Variants in AGMO observed in about 807,000 individuals in gnomAD.
The protein encoded by AGMO is glyceryl-ether monooxygenase.
AGMO carries 75 observed loss-of-function variants against 60.2 expected under a neutral mutation model. That is an observed-to-expected ratio of 1.25 (90% CI 1.03 to 1.51). The LOEUF (loss-of-function observed/expected upper bound fraction) is 1.51. Ranked by LOEUF, AGMO falls within the 40% of genes most tolerant of loss-of-function variation. AGMO has a pLI of 0.00. For synonymous variants in AGMO, 261 were observed against 177.1 expected (o/e 1.47, Z -3.76); for missense variants, 763 against 525.5 (o/e 1.45, Z -4.42).
the AGMO span, among the ~76,000 whole-genome samples, chr7:15,131,833 G>A: frequency 1.3e-5 from 2 of 151,428 alleles, no homozygotes; most frequent in South Asian, 2.1e-4. Flanking sequence ...AAGCCAAAAG[G>A]AGACAGCTGG....
rs1783792115 is a variant in AGMO, at chr7:15,383,739, GATTT to G, written c.1074+1703_1074+1706del. ...ATAATACACATTGTTGTTTGAAAAT[GATTT>G]ATTATTCTCTGTATTCACTGAATGT... On this transcript the variant is annotated intron_variant, in intron 10 of 12. Coordinates refer to ENST00000342526, the MANE Select transcript of AGMO (RefSeq NM_001004320.2). Among the ~76,000 whole-genome samples the G allele has an allele frequency of 3.3e-5, 5 of 152,074 alleles. No homozygotes were observed. In the South Asian group the frequency reaches 8.3e-4, roughly 25 times the overall value.
chr7:15,128,404 TTTTAA>T, the AGMO span, among the ~76,000 whole-genome samples: 3 of 152,134 alleles, frequency 2.0e-5, no homozygotes, highest in African/African-American at 7.2e-5. Context: ...CTAAAACAAA[TTTTAA>T]TTTATTTTTT....
the AGMO span, among the ~76,000 whole-genome samples, chr7:15,131,806 A>C: frequency 6.6e-6 from 1 of 151,230 alleles, no homozygotes; most frequent in South Asian, 2.1e-4. Context: ...GGTAGGAGTA[A>C]TTCCTGGCAC....
chr7:15,254,785 G>A (rs1783047202), intron 12 of AGMO, among the ~76,000 whole-genome samples: 1 of 150,930 alleles, frequency 6.6e-6, no homozygotes, highest in Non-Finnish European at 1.5e-5. Context: ...GATGAAAAAG[G>A]GGACATTACA....
At chr7:15,186,398 T>C in the AGMO span, among the ~76,000 whole-genome samples, 33,489 of 152,142 alleles carry the variant, frequency 0.22, 3,921 homozygotes, top group South Asian at 0.32. Flanking sequence ...CTCCTGATGT[T>C]TTACAGTGAA....
intron 12 of AGMO, among the ~76,000 whole-genome samples, chr7:15,348,605 T>A (rs35725682): frequency 0.17 from 25,824 of 152,080 alleles, 2,256 homozygotes; most frequent in African/African-American, 0.19. Context: ...TTTCCATTTC[T>A]GCTTTGTAAC....
intron 12 of AGMO, among the ~76,000 whole-genome samples, chr7:15,355,029 G>T (rs966065229): frequency 1.3e-5 from 2 of 152,030 alleles, no homozygotes. Flanking sequence ...CTATTGAAGA[G>T]AAGATTCCTG....
chr7:15,367,587 A>G (rs1013262280), intron 10 of AGMO, among the ~76,000 whole-genome samples: 5 of 152,144 alleles, frequency 3.3e-5, no homozygotes, highest in African/African-American at 7.2e-5. Context: ...TGACAGTAGA[A>G]TACATATGAG....
chr7:15,554,766 A>T (rs1277071542), intron 2 of AGMO, among the ~76,000 whole-genome samples: 1 of 152,096 alleles, frequency 6.6e-6, no homozygotes, highest in African/African-American at 2.4e-5. Context: ...AAAATAATCA[A>T]TAAATCAGAA....
the AGMO span, among the ~76,000 whole-genome samples, chr7:15,124,676 A>G: frequency 7.2e-5 from 11 of 152,216 alleles, no homozygotes; most frequent in East Asian, 2.1e-3. Flanking sequence ...TCTTTTCTTT[A>G]TAACTAAAGA....
At chr7:15,219,335 AGTT>A (rs1050019283) in intron 12 of AGMO, among the ~76,000 whole-genome samples, 1 of 152,166 alleles carries the variant, frequency 6.6e-6, no homozygotes, top group Non-Finnish European at 1.5e-5. Context: ...GGAGCACAGT[AGTT>A]GTTCAATTAA....
chr7:15,173,239 CT>C, the AGMO span, among the ~76,000 whole-genome samples: 2 of 151,990 alleles, frequency 1.3e-5, no homozygotes, highest in African/African-American at 4.8e-5. Context: ...AATTTATTCA[CT>C]TGTATCACTG....
intron 3 of AGMO, among the ~76,000 whole-genome samples, chr7:15,453,480 T>C (rs1169660788): frequency 6.6e-6 from 1 of 152,140 alleles, no homozygotes; most frequent in Non-Finnish European, 1.5e-5. Flanking sequence ...CTGCAAAAAG[T>C]GCTGCCTTAA....
chr7:15,331,129 A>C (rs1300430021), intron 12 of AGMO, among the ~76,000 whole-genome samples: 1 of 152,172 alleles, frequency 6.6e-6, no homozygotes, highest in Non-Finnish European at 1.5e-5. Flanking sequence ...ATTAATAGCC[A>C]GTATCTTTGT....
At chr7:15,156,250 G>C in the AGMO span, among the ~76,000 whole-genome samples, 1 of 152,322 alleles carries the variant, frequency 6.6e-6, no homozygotes, top group African/African-American at 2.4e-5. Flanking sequence ...AAATATTGTA[G>C]TGCTTAGGCG....
intron 12 of AGMO, among the ~76,000 whole-genome samples, chr7:15,275,831 T>C (rs1210195551): frequency 6.6e-6 from 1 of 152,182 alleles, no homozygotes; most frequent in Non-Finnish European, 1.5e-5. Context: ...TTAAAGTATG[T>C]TTTATCTGAT....
At chr7:15,206,641 C>T (rs1052349819) in intron 12 of AGMO, among the ~76,000 whole-genome samples, 1 of 152,046 alleles carries the variant, frequency 6.6e-6, no homozygotes, top group Non-Finnish European at 1.5e-5. Flanking sequence ...GATAACATCA[C>T]CTTATTGAAA....
At chr7:15,434,534 T>C (rs1423322636) in intron 3 of AGMO, among the ~76,000 whole-genome samples, 1 of 152,052 alleles carries the variant, frequency 6.6e-6, no homozygotes, top group African/African-American at 2.4e-5. Flanking sequence ...GAAATACATA[T>C]GTCAGGGAAG....
chr7:15,220,206 G>GC, intron 12 of AGMO, among the ~76,000 whole-genome samples: 1 of 138,240 alleles, frequency 7.2e-6, no homozygotes, highest in Non-Finnish European at 1.5e-5. Flanking sequence ...ACCTGACTGT[G>GC]CCTTTTTTTT....
Sources: gnomAD v4.1 joint callset for allele counts (sites outside exome capture counted in the v4.1 genomes callset) on GRCh38, gnomAD v4.1.1 for gene constraint, MANE v1.5 for transcripts, NCBI Gene and HGNC (gene_info 2026-07-23, HGNC 2026-07-21) for gene names.